Variants in FANCC observed in about 807,000 individuals in gnomAD.
The protein encoded by FANCC is FA complementation group C.
Under a neutral mutation model 71.3 loss-of-function variants are expected in FANCC, and 55 were observed. The observed-to-expected ratio is 0.77, with a 90% CI of 0.62 to 0.97. The LOEUF (loss-of-function observed/expected upper bound fraction) is 0.97. FANCC is among the 50% of genes least tolerant of loss of function. FANCC has a pLI of 0.00. For synonymous variants in FANCC, 275 were observed against 244.9 expected (o/e 1.12, Z -1.15); for missense variants, 678 against 670.9 (o/e 1.01, Z -0.12).
intron 4 of FANCC, among the ~76,000 whole-genome samples, chr9:95,205,589 A>T (rs1828072921): frequency 1.3e-5 from 2 of 152,156 alleles, no homozygotes; most frequent in South Asian, 4.1e-4. Flanking sequence ...TTCAGAGAAA[A>T]TGTTAAAGCT....
At chr9:95,184,453 A>G (rs907725765) in intron 4 of FANCC, among the ~76,000 whole-genome samples, 3 of 152,186 alleles carry the variant, frequency 2.0e-5, no homozygotes, top group Non-Finnish European at 4.4e-5. Context: ...AATGTCCTCT[A>G]CAGAGTAAGA....
chr9:95,181,824 G>A (rs1016616705), intron 4 of FANCC, among the ~76,000 whole-genome samples: 1 of 152,232 alleles, frequency 6.6e-6, no homozygotes, highest in Non-Finnish European at 1.5e-5. Context: ...TGTGTGAAAA[G>A]CCATTGAATG....
chr9:95,309,064 A>AG (rs1835232059), intron 1 of FANCC, among the ~76,000 whole-genome samples: 1 of 152,234 alleles, frequency 6.6e-6, no homozygotes, highest in Admixed American at 6.5e-5. Flanking sequence ...CTCAATTTTA[A>AG]GAAAAAATCA....
intron 1 of FANCC, among the ~76,000 whole-genome samples, chr9:95,289,354 A>G (rs1309074378): frequency 6.6e-6 from 1 of 152,158 alleles, no homozygotes; most frequent in Non-Finnish European, 1.5e-5. Context: ...ACAATCACGG[A>G]GTATTTGCAC....
rs1289235561 is a variant in FANCC, at chr9:95,172,044, A to G, written c.449T>C (p.Leu150Pro). Residue 150 changes from leucine (L) to proline (P), a missense_variant, in exon 5 of 15, where the codon CTT becomes CCT. Transcript: ENST00000289081. Reference protein sequence around the residue: ...YAPIDYYPGLLKNMVLSLASE... With the variant: ...YAPIDYYPGLPKNMVLSLASE... Reference sequence around the variant, plus strand: ...TAAATTTTAAATACTCACATTTTTAAGCAAACCAGGATAGTAATCTATAGG... The same window carrying G: ...TAAATTTTAAATACTCACATTTTTAGGCAAACCAGGATAGTAATCTATAGG... 6.3e-7 allele frequency: 1 copy of G among 1,598,002 alleles called. No individual in the cohort carries two copies. The highest frequency in any genetic ancestry group is 8.6e-7 in the Non-Finnish European group (1 of 1,165,566).
chr9:95,183,314 TCTC>T (rs1207037984), intron 4 of FANCC, among the ~76,000 whole-genome samples: 1 of 152,188 alleles, frequency 6.6e-6, no homozygotes, highest in Non-Finnish European at 1.5e-5. Context: ...GTGAGCCTGC[TCTC>T]CTCTGTCCAC....
chr9:95,236,248 G>A (rs551920998), intron 4 of FANCC, among the ~76,000 whole-genome samples: 1 of 152,208 alleles, frequency 6.6e-6, no homozygotes, highest in South Asian at 2.1e-4. Flanking sequence ...GCAGGCCCTG[G>A]AAACCTTCCC....
chr9:95,164,431 T>C (rs1830944684), intron 6 of FANCC, among the ~76,000 whole-genome samples: 1 of 152,184 alleles, frequency 6.6e-6, no homozygotes, highest in Non-Finnish European at 1.5e-5. Context: ...TAGCTATGGA[T>C]TTTTCAAATA....
At chr9:95,224,948 T>G (rs1472321981) in intron 4 of FANCC, among the ~76,000 whole-genome samples, 1 of 152,186 alleles carries the variant, frequency 6.6e-6, no homozygotes, top group African/African-American at 2.4e-5. Context: ...GACCTGGAAA[T>G]CATGATTTAT....
At chr9:95,222,047 A>C (rs557369174) in intron 4 of FANCC, among the ~76,000 whole-genome samples, 16 of 152,142 alleles carry the variant, frequency 1.1e-4, no homozygotes, top group Non-Finnish European at 7.4e-5. Flanking sequence ...AAAATGTTCA[A>C]ACTGGGCCTA....
chr9:95,103,516 G>T (rs924302757), intron 14 of FANCC, among the ~76,000 whole-genome samples: 12 of 152,220 alleles, frequency 7.9e-5, no homozygotes, highest in African/African-American at 2.9e-4. Context: ...GGAGCCCCAG[G>T]GGTGGACTCC....
intron 6 of FANCC, among the ~76,000 whole-genome samples, chr9:95,162,804 G>T (rs1258399823): frequency 6.6e-6 from 1 of 152,082 alleles, no homozygotes; most frequent in Non-Finnish European, 1.5e-5. Context: ...TTTTAAACTG[G>T]ATTATTTTGC....
At chr9:95,199,826 A>C (rs1372697138) in intron 4 of FANCC, among the ~76,000 whole-genome samples, 1 of 152,178 alleles carries the variant, frequency 6.6e-6, no homozygotes, top group South Asian at 2.1e-4. Context: ...ATTTCTCCCC[A>C]AAAGTTTTAC....
intron 1 of FANCC, among the ~76,000 whole-genome samples, chr9:95,303,716 T>C (rs1834895167): frequency 6.6e-6 from 1 of 152,134 alleles, no homozygotes; most frequent in African/African-American, 2.4e-5. Flanking sequence ...TCCTACCAGA[T>C]TAGGACCCCA....
At chr9:95,230,782 T>C (rs920309177) in intron 4 of FANCC, among the ~76,000 whole-genome samples, 6 of 152,018 alleles carry the variant, frequency 3.9e-5, no homozygotes, top group Non-Finnish European at 7.4e-5. Flanking sequence ...CTGGCTGGGG[T>C]GGCCAGCTTT....
At chr9:95,113,548 C>A (rs1211560472) in intron 12 of FANCC, among the ~76,000 whole-genome samples, 4 of 151,666 alleles carry the variant, frequency 2.6e-5, no homozygotes, top group Admixed American at 2.0e-4. Flanking sequence ...AATCCCAGCA[C>A]GACGGGAGGC....
intron 1 of FANCC, among the ~76,000 whole-genome samples, chr9:95,261,393 T>G (rs1236646340): frequency 6.6e-6 from 1 of 152,222 alleles, no homozygotes; most frequent in Non-Finnish European, 1.5e-5. Flanking sequence ...CTAAATTCAT[T>G]TCATTACTAG....
chr9:95,176,004 T>G (rs1825991939), intron 4 of FANCC, among the ~76,000 whole-genome samples: 1 of 152,234 alleles, frequency 6.6e-6, no homozygotes, highest in Admixed American at 6.5e-5. Context: ...GAATGCAACC[T>G]TCTGCTCAGA....
chr9:95,308,686 A>T (rs968655695), intron 1 of FANCC, among the ~76,000 whole-genome samples: 13 of 152,312 alleles, frequency 8.5e-5, no homozygotes, highest in Admixed American at 5.9e-4. Context: ...GCCTAGACTT[A>T]AATTATTTTA....
Sources: allele counts gnomAD v4.1 joint callset (sites outside exome capture counted in the v4.1 genomes callset), GRCh38; gene constraint gnomAD v4.1.1; transcripts MANE v1.5; gene names NCBI Gene and HGNC (gene_info 2026-07-23, HGNC 2026-07-21).